EMSY: variants seen among roughly 807,000 people sequenced by gnomAD.
EMSY encodes the protein EMSY transcriptional repressor, BRCA2 interacting.
A neutral mutation model predicts 134.6 loss-of-function variants in EMSY; 26 were observed. That is an observed-to-expected ratio of 0.19 (90% CI 0.14 to 0.27). The LOEUF (loss-of-function observed/expected upper bound fraction) is 0.27. EMSY is among the 10% of genes least tolerant of loss of function. The probability of loss-of-function intolerance (pLI) is 1.00; values close to 1 mark genes in which losing one functional copy is unlikely to be tolerated. For missense variants in EMSY, 1,305 were observed against 1,611.4 expected (o/e 0.81, Z 3.26); for synonymous variants, 579 against 577.8 (o/e 1.00, Z -0.03).
chr11:76,531,011 T>A (rs1163322600), intron 14 of EMSY, among the ~76,000 whole-genome samples: 1 of 152,188 alleles, frequency 6.6e-6, no homozygotes, highest in Admixed American at 6.5e-5. Context: ...TTACCTAGAT[T>A]CACTACTTAT....
At chr11:76,516,430 T>G in intron 11 of EMSY, 118 bp downstream of exon 12, 1 of 687,504 alleles carries the variant, frequency 1.5e-6, no homozygotes, top group South Asian at 3.2e-5. Context: ...ATCTAAAGCT[T>G]TGTTTTAGTC....
At chr11:76,472,768 A>G (rs1948625523) in exon 8 of EMSY, 3 of 1,614,148 alleles carry the variant, frequency 1.9e-6, no homozygotes, top group East Asian at 2.2e-5. Context: ...ACCATCACCT[A>G]TTCCTAATAC....
intron 2 of EMSY, among the ~76,000 whole-genome samples, chr11:76,451,279 A>C (rs1388245847): frequency 1.3e-5 from 2 of 152,238 alleles, no homozygotes; most frequent in Middle Eastern, 6.3e-3. Context: ...GGGTACCTAC[A>C]AAGTCCCTTC....
intron 14 of EMSY, among the ~76,000 whole-genome samples, chr11:76,532,657 A>G (rs1391457340): frequency 6.6e-6 from 1 of 152,116 alleles, no homozygotes; most frequent in Non-Finnish European, 1.5e-5. Flanking sequence ...TTGTTTCCAA[A>G]AGGTTTTAAG....
intron 10 of EMSY, among the ~76,000 whole-genome samples, chr11:76,515,692 A>G (rs903436969): frequency 2.0e-5 from 3 of 152,244 alleles, no homozygotes; most frequent in Non-Finnish European, 2.9e-5. Context: ...CTTTAGGCAA[A>G]CAATACTGCC....
intron 8 of EMSY, 133 bp from the exon 10 acceptor site, chr11:76,496,078 CACTT>C (rs1210790780): frequency 5.8e-6 from 5 of 866,832 alleles, no homozygotes; most frequent in African/African-American, 1.7e-5. Flanking sequence ...TTTTATCTGA[CACTT>C]ACTAGGTGCT....
Position 76,496,161 on chromosome 11 carries a change from A to G in EMSY, c.1109-54A>G, listed in dbSNP as rs1017445873. The G allele has an allele frequency of 8.5e-6, 13 of 1,529,622 alleles. No homozygotes were observed. The East Asian group carries it at 2.9e-4, about 35-fold the overall frequency. The allele number at this position is 1,529,622 out of a possible 1,614,324, so 94.8% of individuals were successfully genotyped here. On this transcript the variant is annotated intron_variant, in intron 8 of 20. Transcript: ENST00000334736. ...TTATCTACTATAATAACCAGAAGTA[A>G]CTTTAATTTTGCTTTCCTATCAAAT...
chr11:76,501,800 A>G (rs1447374566), intron 9 of EMSY, among the ~76,000 whole-genome samples: 2 of 152,144 alleles, frequency 1.3e-5, no homozygotes, highest in African/African-American at 2.4e-5. Flanking sequence ...AACTTTTCCA[A>G]ATTTATTGAA....
intron 4 of EMSY, chr11:76,453,631 A>G (rs1290470493): frequency 6.2e-6 from 2 of 321,004 alleles, no homozygotes; most frequent in Non-Finnish European, 5.7e-6. Flanking sequence ...ATCTCTGTCT[A>G]ACTAAAAATC....
At chr11:76,517,868 G>A (rs1400298664) in intron 11 of EMSY, among the ~76,000 whole-genome samples, 1 of 152,060 alleles carries the variant, frequency 6.6e-6, no homozygotes, top group African/African-American at 2.4e-5. Flanking sequence ...TCATTGTGTG[G>A]TGCTCATTAT....
At chr11:76,475,321 T>C (rs977912140) in intron 8 of EMSY, among the ~76,000 whole-genome samples, 1 of 152,238 alleles carries the variant, frequency 6.6e-6, no homozygotes, top group Non-Finnish European at 1.5e-5. Context: ...ATGGTACTAT[T>C]TGAGATGAGA....
At chr11:76,476,930 G>A (rs966278877) in intron 8 of EMSY, among the ~76,000 whole-genome samples, 8 of 152,146 alleles carry the variant, frequency 5.3e-5, no homozygotes, top group Middle Eastern at 3.4e-3. Context: ...GAAATATATC[G>A]TCGTTTCATA....
chr11:76,549,499 AC>A (rs11290954), intron 20 of EMSY, among the ~76,000 whole-genome samples: 40,938 of 149,714 alleles, frequency 0.27, 5,807 homozygotes, highest in Non-Finnish European at 0.32. Flanking sequence ...AAATTAGGCT[AC>A]ATTTACATTT....
chr11:76,542,125 T>C (rs775783181), intron 17 of EMSY, 91 bp from the exon 19 acceptor site: 1 of 1,483,606 alleles, frequency 6.7e-7, no homozygotes, highest in South Asian at 1.1e-5. Context: ...CTTTCTGTGA[T>C]ACAAGCTCAC....
chr11:76,497,513 G>C (rs901836144), intron 9 of EMSY, among the ~76,000 whole-genome samples: 2 of 152,106 alleles, frequency 1.3e-5, no homozygotes, highest in African/African-American at 4.8e-5. Flanking sequence ...TTTAATTGAT[G>C]AATTCCATTT....
intron 9 of EMSY, among the ~76,000 whole-genome samples, chr11:76,502,958 G>T (rs1378197154): frequency 6.6e-6 from 1 of 152,080 alleles, no homozygotes; most frequent in Non-Finnish European, 1.5e-5. Context: ...TATGGAATTT[G>T]ATAGCCATAT....
At chr11:76,496,927 G>A (rs1419638374) in intron 9 of EMSY, 6 of 260,170 alleles carry the variant, frequency 2.3e-5, no homozygotes, top group Non-Finnish European at 4.4e-5. Flanking sequence ...ATACTATGCT[G>A]AATGAATAAG....
At chr11:76,477,520 T>G (rs1174132049) in intron 8 of EMSY, among the ~76,000 whole-genome samples, 6 of 152,210 alleles carry the variant, frequency 3.9e-5, no homozygotes, top group Admixed American at 3.9e-4. Flanking sequence ...TTTATTATAT[T>G]TTACTTTTTT....
At position 76,483,416 on chromosome 11, in the gene EMSY, A is replaced by G. The variant is rs574585809; in HGVS notation, c.1108+10576A>G. On this transcript the variant is annotated intron_variant, in intron 8 of 20. Coordinates refer to ENST00000334736, the Ensembl canonical transcript of EMSY. Reference sequence around the variant, plus strand: ...TCACACATAACAATATTAACCTTAAATGTAAACAGGCTAAATGCCCCAATT... The same window carrying G: ...TCACACATAACAATATTAACCTTAAGTGTAAACAGGCTAAATGCCCCAATT... Among the ~76,000 whole-genome samples, 51 of 152,334 alleles carry G rather than the reference A, an allele frequency of 3.3e-4. 1 individual carries two copies. The South Asian group carries it at 7.9e-3, about 24-fold the overall frequency.
Sources: gnomAD v4.1 joint callset for allele counts (sites outside exome capture counted in the v4.1 genomes callset) on GRCh38, gnomAD v4.1.1 for gene constraint, MANE v1.5 for transcripts, NCBI Gene and HGNC (gene_info 2026-07-23, HGNC 2026-07-21) for gene names.